The following ESYT3 variants were observed in gnomAD, a reference collection of about 807,000 sequenced individuals.
ESYT3 encodes the protein extended synaptotagmin-3.
ESYT3 carries 101 observed loss-of-function variants against 111.5 expected under a neutral mutation model. The ratio of observed to expected loss-of-function variants is 0.91; its 90% CI spans 0.77 to 1.07. ESYT3 has a LOEUF of 1.07. ESYT3 is among the 50% of genes least tolerant of loss of function. ESYT3 has a pLI of 0.00. For missense variants in ESYT3, 1,097 were observed against 1,109.4 expected (o/e 0.99, Z 0.16); for synonymous variants, 416 against 446.8 (o/e 0.93, Z 0.87).
intron 1 of ESYT3, among the ~76,000 whole-genome samples, chr3:138,438,626 A>G (rs78058609): frequency 6.6e-6 from 1 of 152,216 alleles, no homozygotes; most frequent in African/African-American, 2.4e-5. Flanking sequence ...CCAAGATGCT[A>G]CCTCCAGGTG....
In ESYT3 at chr3:138,439,519, G is replaced by GC. The variant is rs558595052; in HGVS notation, c.327+4397dup. 2.6e-3 allele frequency among the ~76,000 whole-genome samples: 392 copies of GC among 152,248 alleles called. 3 individuals carry two copies. The highest frequency in any genetic ancestry group is 4.1e-3 in the Admixed American group (63 of 15,296). On this transcript the variant is annotated intron_variant, in intron 1 of 22. Coordinates refer to ENST00000389567, the MANE Select transcript of ESYT3 (RefSeq NM_031913.5). ...GTAACCTTTGCTGCTTTGCTTCCCT[G>GC]CCCACCTCCCTTGGTAGGGGCCCCT... is the stretch of plus-strand genomic sequence containing the variant.
Position 138,476,866 on chromosome 3 carries a change from C to T in ESYT3, c.*12C>T, listed in dbSNP as rs764167322. On this transcript the variant is annotated 3_prime_UTR_variant, in exon 23 of 23. Transcript: ENST00000389567. Reference sequence around the variant, plus strand: ...AGCCCAGAAGCTGATGATGAGAATTCTTATCACTCACCTTTATATTAAAAT... The same window carrying T: ...AGCCCAGAAGCTGATGATGAGAATTTTTATCACTCACCTTTATATTAAAAT... 12 of 1,611,628 alleles carry T rather than the reference C, an allele frequency of 7.4e-6. No individual in the cohort carries two copies. In the East Asian group the frequency reaches 2.5e-4, roughly 33 times the overall value.
At chr3:138,444,982 T>C (rs2031432552) in intron 1 of ESYT3, among the ~76,000 whole-genome samples, 1 of 152,166 alleles carries the variant, frequency 6.6e-6, no homozygotes, top group Admixed American at 6.5e-5. Context: ...CACTCATTCT[T>C]CCACACCCTC....
intron 20 of ESYT3, 97 bp downstream of exon 20, chr3:138,474,449 G>T (rs967497868): frequency 4.4e-6 from 6 of 1,373,620 alleles, no homozygotes; most frequent in South Asian, 1.4e-5. Flanking sequence ...TGCTGGAAGG[G>T]GCTATGGCTG....
chr3:138,470,033 A>G, intron 15 of ESYT3, 27 bp from the exon 16 acceptor site: 1 of 1,600,238 alleles, frequency 6.2e-7, no homozygotes. Context: ...CTAACCCTTC[A>G]ATGATCTCTC....
chr3:138,477,030 T>TGGAGTTA lies in ESYT3; in HGVS notation c.*176_*177insGGAGTTA. On this transcript the variant is annotated 3_prime_UTR_variant, in exon 23 of 23. Transcript: ENST00000389567. ...AATTTAACTCCATGACTGAATAGCA[T>TGGAGTTA]AAGGAAGAGGTTATTTAAAAGCAAG... is the stretch of plus-strand genomic sequence containing the variant. 4.3e-6 allele frequency: 2 copies of TGGAGTTA among 464,794 alleles called. No homozygotes were observed. The highest frequency in any genetic ancestry group is 7.5e-6 in the Non-Finnish European group (2 of 267,436). The allele number at this position is 464,794 out of a possible 1,614,324, so 28.8% of individuals were successfully genotyped here. A position where few individuals can be genotyped will look rare whatever the true frequency, so the allele number is the denominator to read the frequency against.
chr3:138,466,459 T>C (rs1013846732), intron 10 of ESYT3, among the ~76,000 whole-genome samples: 1 of 152,244 alleles, frequency 6.6e-6, no homozygotes, highest in African/African-American at 2.4e-5. Flanking sequence ...TTTTTTATTT[T>C]TATCTTAATG....
chr3:138,468,320 C>T (rs1280153682), intron 12 of ESYT3, 126 bp downstream of exon 12: 1 of 833,818 alleles, frequency 1.2e-6, no homozygotes, highest in East Asian at 2.6e-5. Context: ...GAACATGTCA[C>T]TCAGCCCGTC....
At chr3:138,459,865 G>C in intron 5 of ESYT3, 80 bp from the exon 6 acceptor site, 1 of 1,243,530 alleles carries the variant, frequency 8.0e-7, no homozygotes, top group South Asian at 1.3e-5. Context: ...AAATGAGGCA[G>C]CAGATGGCCT....
At chr3:138,460,162 A>G (rs985673256) in intron 6 of ESYT3, 128 bp downstream of exon 6, 13 of 740,250 alleles carry the variant, frequency 1.8e-5, no homozygotes, top group Non-Finnish European at 2.7e-5. Flanking sequence ...GGGCAGTCAC[A>G]CTCCTTATCT....
intron 1 of ESYT3, 69 bp from the exon 2 acceptor site, chr3:138,451,979 G>C (rs1005582032): frequency 6.4e-7 from 1 of 1,571,836 alleles, no homozygotes; most frequent in East Asian, 2.2e-5. Flanking sequence ...AGCCCGCCAG[G>C]CTGGCTTGCT....
intron 1 of ESYT3, among the ~76,000 whole-genome samples, chr3:138,451,832 A>G (rs1223683128): frequency 6.7e-6 from 1 of 148,772 alleles, no homozygotes; most frequent in African/African-American, 2.6e-5. Flanking sequence ...GCTCCACTGG[A>G]TAGTGCGCTG....
At chr3:138,436,233 G>C (rs150558588) in intron 1 of ESYT3, among the ~76,000 whole-genome samples, 1 of 152,208 alleles carries the variant, frequency 6.6e-6, no homozygotes, top group African/African-American at 2.4e-5. Flanking sequence ...TTCCTTTCTA[G>C]AGCCCCGAAG....
Position 138,468,114 on chromosome 3 carries a change from C to T in ESYT3, c.1228C>T (p.Leu410=), listed in dbSNP as rs745966145. Residue 410 remains leucine (L), a synonymous_variant, in exon 12 of 23, where the codon CTG becomes TTG. Coordinates refer to ENST00000389567, the MANE Select transcript of ESYT3 (RefSeq NM_031913.5). ...TGCCCCTACCCCACAGTGGTTTGTC[C>T]TGAATGACACAACCAGCGGGCGGCT... The part of the protein sequence containing the change: ...TNRVVDEWFV[L]NDTTSGRLHL... 31 of 1,614,042 alleles carry T rather than the reference C, an allele frequency of 1.9e-5. No individual in the cohort carries two copies. In the South Asian group the frequency reaches 2.4e-4, roughly 13 times the overall value.
At chr3:138,473,071 A>T in intron 18 of ESYT3, 1 of 1,419,276 alleles carries the variant, frequency 7.0e-7, no homozygotes, top group Non-Finnish European at 9.2e-7. Flanking sequence ...ACTGACTATA[A>T]AATAGATGCT....
At chr3:138,458,855 C>T (rs894603996) in intron 4 of ESYT3, among the ~76,000 whole-genome samples, 7 of 152,164 alleles carry the variant, frequency 4.6e-5, no homozygotes, top group Admixed American at 3.9e-4. Flanking sequence ...ACCAAGAGCC[C>T]CTCCTTTTCA....
rs1188544751 is a variant in ESYT3 at position 138,478,452 on chromosome 3, A to AAATAGACAAGTGCCTTGAAAATGG, written c.*1600_*1623dup. The AAATAGACAAGTGCCTTGAAAATGG allele has an allele frequency of 1.3e-5, 2 of 152,180 alleles. No individual in the cohort carries two copies. The highest frequency in any genetic ancestry group is 4.8e-5 in the African/African-American group (2 of 41,434). The allele number at this position is 152,180 out of a possible 1,614,324, so 9.4% of individuals were successfully genotyped here. A position where few individuals can be genotyped will look rare whatever the true frequency, so the allele number is the denominator to read the frequency against. On this transcript the variant is annotated 3_prime_UTR_variant, in exon 23 of 23. Coordinates refer to ENST00000389567, the MANE Select transcript of ESYT3 (RefSeq NM_031913.5). ...TATGATGGCATTCTAATTGCCCCCT[A>AAATAGACAAGTGCCTTGAAAATGG]AATAGACAAGTGCCTTGAAAATGGA...
At chr3:138,463,913 C>G (rs150821976) in intron 8 of ESYT3, among the ~76,000 whole-genome samples, 34 of 152,288 alleles carry the variant, frequency 2.2e-4, no homozygotes, top group Admixed American at 1.7e-3. Flanking sequence ...GTGCAGGTAC[C>G]TACTGTCAGC....
intron 9 of ESYT3, 39 bp from the exon 10 acceptor site, chr3:138,465,300 C>T: frequency 2.7e-6 from 4 of 1,485,656 alleles, no homozygotes; most frequent in Non-Finnish European, 3.7e-6. Context: ...GTCAGGTCGA[C>T]TGTTGCCTGC....
Sources: allele counts gnomAD v4.1 joint callset (sites outside exome capture counted in the v4.1 genomes callset), GRCh38; gene constraint gnomAD v4.1.1; transcripts MANE v1.5; gene names NCBI Gene and HGNC (gene_info 2026-07-23, HGNC 2026-07-21).